The following NELL1 variants were observed in gnomAD, a reference collection of about 807,000 sequenced individuals.
NELL1 encodes the protein neural EGFL like 1.
In NELL1, 76 loss-of-function variants were observed where a neutral mutation model predicts 107.4. That is an observed-to-expected ratio of 0.71 (90% CI 0.59 to 0.86). NELL1 has a LOEUF of 0.86. Ranked by LOEUF, NELL1 falls within the 40% of genes least tolerant of loss-of-function variation. The pLI, the probability that NELL1 is intolerant of heterozygous loss-of-function variation, is 0.00. For missense variants in NELL1, 1,024 were observed against 1,005.5 expected (o/e 1.02, Z -0.25); for synonymous variants, 353 against 341.2 (o/e 1.03, Z -0.38).
At chr11:20,751,101 A>G (rs1856127362) in intron 2 of NELL1, among the ~76,000 whole-genome samples, 1 of 151,874 alleles carries the variant, frequency 6.6e-6, no homozygotes, top group African/African-American at 2.4e-5. Context: ...GCTTATCCTT[A>G]TGCTAATACC....
At chr11:20,935,460 T>G (rs576393136) in intron 9 of NELL1, among the ~76,000 whole-genome samples, 3 of 152,012 alleles carry the variant, frequency 2.0e-5, no homozygotes, top group African/African-American at 7.3e-5. Flanking sequence ...CTAGAACATA[T>G]GTGGAGGTGT....
chr11:20,708,927 CAGGCATTAGATTCTTA>C (rs2133893220), intron 2 of NELL1, among the ~76,000 whole-genome samples: 1 of 152,214 alleles, frequency 6.6e-6, no homozygotes, highest in African/African-American at 2.4e-5. Flanking sequence ...CTCAGATCAT[CAGGCATTAGATTCTTA>C]AAAGGAGCAC....
At chr11:20,705,017 A>G (rs1854904965) in intron 2 of NELL1, among the ~76,000 whole-genome samples, 1 of 152,220 alleles carries the variant, frequency 6.6e-6, no homozygotes, top group Admixed American at 6.5e-5. Flanking sequence ...AAAAGAGGAT[A>G]CAAACAAATG....
At chr11:21,418,909 A>G (rs1192800249) in intron 15 of NELL1, among the ~76,000 whole-genome samples, 1 of 152,140 alleles carries the variant, frequency 6.6e-6, no homozygotes, top group African/African-American at 2.4e-5. Context: ...CGTAAAGTGA[A>G]TGAGAATTAT....
At chr11:21,567,453 C>T (rs1564964752) in intron 17 of NELL1, among the ~76,000 whole-genome samples, 1 of 151,452 alleles carries the variant, frequency 6.6e-6, no homozygotes, top group African/African-American at 2.4e-5. Flanking sequence ...TCTATATACA[C>T]ATGTTTGCAT....
intron 15 of NELL1, among the ~76,000 whole-genome samples, chr11:21,523,954 T>C (rs561302276): frequency 6.6e-6 from 1 of 152,264 alleles, no homozygotes; most frequent in South Asian, 2.1e-4. Flanking sequence ...TTTGTTCCTG[T>C]TTGTTTCAGA....
At chr11:21,044,680 A>G (rs923693796) in intron 12 of NELL1, among the ~76,000 whole-genome samples, 1 of 152,102 alleles carries the variant, frequency 6.6e-6, no homozygotes, top group Non-Finnish European at 1.5e-5. Context: ...CTGATAGGGG[A>G]ATGGACATGC....
At chr11:21,369,110 A>G (rs1274370534) in intron 14 of NELL1, among the ~76,000 whole-genome samples, 1 of 151,986 alleles carries the variant, frequency 6.6e-6, no homozygotes, top group Non-Finnish European at 1.5e-5. Flanking sequence ...TGCAGTTTCA[A>G]CTCTGCACTA....
intron 16 of NELL1, among the ~76,000 whole-genome samples, chr11:21,550,429 G>A (rs952348251): frequency 1.3e-5 from 2 of 151,966 alleles, no homozygotes; most frequent in African/African-American, 2.4e-5. Context: ...CCTATGTCCT[G>A]AATGGTAATA....
At chr11:21,405,561 T>G (rs1470545946) in intron 15 of NELL1, among the ~76,000 whole-genome samples, 1 of 151,928 alleles carries the variant, frequency 6.6e-6, no homozygotes, top group Non-Finnish European at 1.5e-5. Context: ...AAACAAACAG[T>G]TCTGTTCTTG....
chr11:20,826,539 T>A (rs1438067795), intron 3 of NELL1, among the ~76,000 whole-genome samples: 1 of 151,242 alleles, frequency 6.6e-6, no homozygotes, highest in African/African-American at 2.4e-5. Flanking sequence ...CAGCTGGCAT[T>A]CTCTGCCTCC....
At chr11:21,426,314 A>T (rs2133828228) in intron 15 of NELL1, among the ~76,000 whole-genome samples, 1 of 152,326 alleles carries the variant, frequency 6.6e-6, no homozygotes, top group Non-Finnish European at 1.5e-5. Context: ...CTCATTCATC[A>T]TTATATCCCA....
intron 9 of NELL1, among the ~76,000 whole-genome samples, chr11:20,930,460 T>G (rs1480828071): frequency 6.6e-6 from 1 of 152,066 alleles, no homozygotes; most frequent in Non-Finnish European, 1.5e-5. Flanking sequence ...GTTGCATAAC[T>G]TTTTTTTAAC....
chr11:21,026,637 A>G (rs534805685), intron 12 of NELL1, among the ~76,000 whole-genome samples: 61 of 152,278 alleles, frequency 4.0e-4, no homozygotes, highest in Non-Finnish European at 6.2e-4. Flanking sequence ...CATTGCCTGG[A>G]ATATTCTATG....
intron 16 of NELL1, among the ~76,000 whole-genome samples, chr11:21,545,154 A>G (rs894851133): frequency 2.0e-5 from 3 of 152,004 alleles, no homozygotes; most frequent in Non-Finnish European, 4.4e-5. Context: ...TGACAAACAT[A>G]TTTCTTTTTT....
Position 20,819,137 on chromosome 11 carries a change from G to A in NELL1, c.336-28446G>A, listed in dbSNP as rs145523360. 4.6e-5 allele frequency among the ~76,000 whole-genome samples: 7 copies of A among 152,210 alleles called. No individual in the cohort carries two copies. In the East Asian group the frequency reaches 1.4e-3, roughly 29 times the overall value. The stretch of plus-strand genomic sequence containing the variant: ...CATTTCCCAAACTTACTTTTATCAT[G>A]CAGTGCTTTGGTGGTATTTTTAATG... On this transcript the variant is annotated intron_variant, in intron 3 of 19. Coordinates refer to ENST00000357134, the MANE Select transcript of NELL1 (RefSeq NM_006157.5).
intron 14 of NELL1, among the ~76,000 whole-genome samples, chr11:21,319,851 A>G (rs933146319): frequency 6.6e-6 from 1 of 151,992 alleles, no homozygotes; most frequent in Non-Finnish European, 1.5e-5. Context: ...CAAAGCACTG[A>G]TAACTGTTAA....
At chr11:21,140,013 C>CA in intron 13 of NELL1, among the ~76,000 whole-genome samples, 1 of 152,228 alleles carries the variant, frequency 6.6e-6, no homozygotes, top group African/African-American at 2.4e-5. Context: ...TCTGGGGAAA[C>CA]AGATAATGAT....
chr11:21,457,339 A>G (rs1853772436), intron 15 of NELL1, among the ~76,000 whole-genome samples: 1 of 152,186 alleles, frequency 6.6e-6, no homozygotes, highest in Admixed American at 6.5e-5. Context: ...GAAAAGTTAA[A>G]TGGAAAGAAT....
Sources: gnomAD v4.1 joint callset for allele counts (sites outside exome capture counted in the v4.1 genomes callset) on GRCh38, gnomAD v4.1.1 for gene constraint, MANE v1.5 for transcripts, NCBI Gene and HGNC (gene_info 2026-07-23, HGNC 2026-07-21) for gene names.